SCYL3: variants seen among roughly 807,000 people sequenced by gnomAD.
SCYL3 encodes the protein SCY1 like pseudokinase 3.
A neutral mutation model predicts 73.8 loss-of-function variants in SCYL3; 35 were observed. The ratio of observed to expected loss-of-function variants is 0.47; its 90% CI spans 0.36 to 0.63. SCYL3 has a LOEUF of 0.63. Among genes scored for constraint, SCYL3 ranks in the 20% least tolerant of loss-of-function variants. The pLI is 0.00. For synonymous variants in SCYL3, 277 were observed against 295.2 expected, an observed-to-expected ratio of 0.94 and a Z score of 0.63; for missense variants, 712 against 798.9, an observed-to-expected ratio of 0.89 and a Z score of 1.31.
intron 1 of SCYL3, among the ~76,000 whole-genome samples, chr1:169,890,466 T>C (rs1459643320): frequency 2.6e-5 from 4 of 152,160 alleles, no homozygotes; most frequent in African/African-American, 4.8e-5. Flanking sequence ...TTTGGACAAA[T>C]ATAAACTCAA....
chr1:169,882,968 T>C (rs10159425), intron 2 of SCYL3, among the ~76,000 whole-genome samples: 34,374 of 151,990 alleles, frequency 0.23, 4,417 homozygotes, highest in African/African-American at 0.35. Context: ...CGCTTCCACA[T>C]TGTGGAAGCT....
intron 7 of SCYL3, among the ~76,000 whole-genome samples, chr1:169,867,802 G>A (rs1255083396): frequency 6.6e-6 from 1 of 152,084 alleles, no homozygotes; most frequent in Non-Finnish European, 1.5e-5. Flanking sequence ...TGGCAGGTAC[G>A]GTTTGTGTGT....
intron 7 of SCYL3, among the ~76,000 whole-genome samples, chr1:169,868,298 T>C (rs1660176142): frequency 1.3e-5 from 2 of 152,172 alleles, no homozygotes; most frequent in South Asian, 4.1e-4. Context: ...TAAGGTTGGC[T>C]TTGCTAATAG....
intron 7 of SCYL3, among the ~76,000 whole-genome samples, chr1:169,867,489 G>A (rs1285343956): frequency 6.6e-6 from 1 of 152,208 alleles, no homozygotes; most frequent in Non-Finnish European, 1.5e-5. Context: ...AGGGCTGCCA[G>A]AGAATTCCAA....
At chr1:169,894,160 A>C (rs1662288813), upstream of SCYL3, 1 of 152,246 alleles carries the variant, frequency 6.6e-6, no homozygotes, top group Admixed American at 6.5e-5. Flanking sequence ...TCGAATGCTT[A>C]AGTTTGTCTT....
chr1:169,850,346 G>A lies in SCYL3; in HGVS notation c.*3367C>T. ...CAAAGTTGTATCCTTTCTGGAGAAG[G>A]TACTTTCTTTACATGGCTCATGTTT... On this transcript the variant is annotated 3_prime_UTR_variant, in exon 13 of 13. Coordinates refer to ENST00000367771, the MANE Select transcript of SCYL3 (RefSeq NM_020423.7). 6.3e-7 allele frequency: 1 copy of A among 1,596,556 alleles called. No individual in the cohort carries two copies. The highest frequency in any genetic ancestry group is 8.6e-7 in the Non-Finnish European group (1 of 1,165,452).
At chr1:169,857,674 G>T (rs1349528517) in intron 11 of SCYL3, among the ~76,000 whole-genome samples, 1 of 152,204 alleles carries the variant, frequency 6.6e-6, no homozygotes, top group African/African-American at 2.4e-5. Context: ...CTGATATGTT[G>T]TTACTTGAAA....
chr1:169,873,813 T>A, intron 4 of SCYL3, 61 bp from the exon 5 acceptor site: 1 of 1,164,910 alleles, frequency 8.6e-7, no homozygotes, highest in Non-Finnish European at 1.3e-6. Context: ...ACTAATCTCT[T>A]ACATCAGGTT....
chr1:169,890,111 G>T (rs1661972654), intron 1 of SCYL3, among the ~76,000 whole-genome samples: 1 of 152,206 alleles, frequency 6.6e-6, no homozygotes, highest in Admixed American at 6.5e-5. Context: ...CCTACTGTGA[G>T]AGGCTTGCAT....
rs1372955996 is a variant in SCYL3, at chr1:169,853,029, T to C, written c.*684A>G. On this transcript the variant is annotated 3_prime_UTR_variant, in exon 13 of 13. Transcript: ENST00000367771. ...GAACTGGGTTTGATGCTTTGTCAACTGAAAATACTTATGTCTGTACATTTT... is the reference window on the plus strand; with the variant it reads ...GAACTGGGTTTGATGCTTTGTCAACCGAAAATACTTATGTCTGTACATTTT... The C allele has an allele frequency of 2.5e-6, 4 of 1,581,860 alleles. No homozygotes were observed. Among genetic ancestry groups the C allele is most frequent in the Middle Eastern group, 3.4e-4 (2 of 5,952 alleles).
At position 169,852,884 on chromosome 1, in the gene SCYL3, C is replaced by T. The variant is rs776516235; in HGVS notation, c.*829G>A. ...GCAGGGGCTTTGGAAGCAACTGAGT[C>T]ACTACTCCAAAAGGGTCCTGCTCCA... On this transcript the variant is annotated 3_prime_UTR_variant, in exon 13 of 13. Coordinates refer to ENST00000367771, the MANE Select transcript of SCYL3 (RefSeq NM_020423.7). 4 of 1,614,114 alleles carry T rather than the reference C, an allele frequency of 2.5e-6. No homozygotes were observed. The highest frequency in any genetic ancestry group is 1.3e-5 in the African/African-American group (1 of 75,038).
At position 169,852,570 on chromosome 1, in the gene SCYL3, A is replaced by T. The variant is rs1658520808; in HGVS notation, c.*1143T>A. The T allele has an allele frequency of 1.8e-6, 1 of 559,580 alleles. No homozygotes were observed. The highest frequency in any genetic ancestry group is 1.9e-5 in the African/African-American group (1 of 53,156). The allele number at this position is 559,580 out of a possible 1,614,324, so 34.7% of individuals were successfully genotyped here. A position where few individuals can be genotyped will look rare whatever the true frequency, so the allele number is the denominator to read the frequency against. Reference sequence around the variant, plus strand: ...AGGATACTTGTTGTATACCACATACAAACTAAGACACTGGTAGTAGCACTC... The same window carrying T: ...AGGATACTTGTTGTATACCACATACTAACTAAGACACTGGTAGTAGCACTC... On this transcript the variant is annotated 3_prime_UTR_variant, in exon 13 of 13. Coordinates refer to ENST00000367771, the MANE Select transcript of SCYL3 (RefSeq NM_020423.7).
At chr1:169,878,039 A>G (rs555679930) in intron 3 of SCYL3, among the ~76,000 whole-genome samples, 1 of 152,354 alleles carries the variant, frequency 6.6e-6, no homozygotes, top group East Asian at 1.9e-4. Flanking sequence ...AAACAGTAAT[A>G]CTGTCAAGAA....
intron 8 of SCYL3, 119 bp downstream of exon 8, chr1:169,866,777 A>G: frequency 1.5e-6 from 1 of 661,104 alleles, no homozygotes; most frequent in Non-Finnish European, 2.7e-6. Context: ...ACACATAGGA[A>G]ATGTTCAATA....
Position 169,885,534 on chromosome 1 carries a change from A to C in SCYL3, c.165+3142T>G, listed in dbSNP as rs531408375. On this transcript the variant is annotated intron_variant, in intron 2 of 12. Transcript: ENST00000367771. ...CCAAGATGCCTAAACTAGAGAACAA[A>C]GATCTTCAGGGAAAAATATTATTCC... Among the ~76,000 whole-genome samples the C allele has an allele frequency of 9.7e-4, 148 of 152,366 alleles. 1 individual carries two copies. Among genetic ancestry groups the C allele is most frequent in the Non-Finnish European group, 9.4e-4 (64 of 68,032 alleles).
chr1:169,893,440 G>T (rs1662224925), intron 1 of SCYL3, among the ~76,000 whole-genome samples: 2 of 152,062 alleles, frequency 1.3e-5, no homozygotes, highest in African/African-American at 4.8e-5. Flanking sequence ...GTCACTGAAG[G>T]GCCGAGGCGC....
chr1:169,888,118 T>C (rs1196756640), intron 2 of SCYL3, among the ~76,000 whole-genome samples: 1 of 152,226 alleles, frequency 6.6e-6, no homozygotes, highest in Non-Finnish European at 1.5e-5. Flanking sequence ...GCCTTCATTT[T>C]CCCTAATTCA....
rs142801796 is a variant in SCYL3 at position 169,860,679 on chromosome 1, T to C, written c.1141-1467A>G. Among the ~76,000 whole-genome samples the C allele has an allele frequency of 1.8e-4, 27 of 152,344 alleles. No homozygotes were observed. The East Asian group carries it at 4.6e-3, about 26-fold the overall frequency. On this transcript the variant is annotated intron_variant, in intron 10 of 12. Coordinates refer to ENST00000367771, the MANE Select transcript of SCYL3 (RefSeq NM_020423.7). ...TATGATTAGAGTTCTGCCCACTGAA[T>C]ATGATAATCATAAAACAGCAATCCG...
chr1:169,861,046 G>A (rs1432683295), intron 10 of SCYL3, among the ~76,000 whole-genome samples: 2 of 152,206 alleles, frequency 1.3e-5, no homozygotes, highest in African/African-American at 2.4e-5. Context: ...CCATTTCAGA[G>A]TTAAAGTGCT....
Sources: gnomAD v4.1 joint callset for allele counts (sites outside exome capture counted in the v4.1 genomes callset) on GRCh38, gnomAD v4.1.1 for gene constraint, MANE v1.5 for transcripts, NCBI Gene and HGNC (gene_info 2026-07-23, HGNC 2026-07-21) for gene names.